The following CADPS variants were observed in gnomAD, a reference collection of about 807,000 sequenced individuals.
The protein encoded by CADPS is calcium dependent secretion activator, also known as calcium-dependent secretion activator 1.
A neutral mutation model predicts 167.3 loss-of-function variants in CADPS; 57 were observed. The observed-to-expected ratio is 0.34, with a 90% CI of 0.28 to 0.42. CADPS has a LOEUF of 0.42. Among genes scored for constraint, CADPS ranks in the 20% least tolerant of loss-of-function variants. CADPS has a pLI of 1.00. For synonymous variants in CADPS, 676 were observed against 635.3 expected (o/e 1.06, Z -0.96); for missense variants, 1,414 against 1,738.1 (o/e 0.81, Z 3.32).
Position 62,459,187 on chromosome 3 carries a change from T to G in CADPS, c.3636+6180A>C, listed in dbSNP as rs76420683. The stretch of plus-strand genomic sequence containing the variant: ...CGCGGTGTTTTTTGGTTGGCCCATA[T>G]GAACAAAATACATTAGAAAAAATAA... On this transcript the variant is annotated intron_variant, in intron 26 of 29. Coordinates refer to ENST00000383710, the MANE Select transcript of CADPS (RefSeq NM_003716.4). 2.3e-3 allele frequency among the ~76,000 whole-genome samples: 345 copies of G among 152,348 alleles called. 2 individuals carry two copies. The highest frequency in any genetic ancestry group is 7.5e-3 in the African/African-American group (312 of 41,584).
rs371622824 is a variant in CADPS at position 62,403,066 on chromosome 3, A to G, written c.3882+15T>C. On this transcript the variant is annotated intron_variant, in intron 29 of 29. Transcript: ENST00000383710. ...TAAGCTATTTGCAAAGAAGAATAAT[A>G]ATCTTTTCTTTTACCTTTACCATCC... The G allele has an allele frequency of 2.0e-5, 29 of 1,482,406 alleles. No individual in the cohort carries two copies. In the African/African-American group the frequency reaches 3.3e-4, roughly 17 times the overall value. 91.8% of individuals were successfully genotyped at this position (1,482,406 alleles called of 1,614,324 possible). A position where few individuals can be genotyped will look rare whatever the true frequency, so the allele number is the denominator to read the frequency against.
At chr3:62,858,970 A>G (rs1433303268) in intron 1 of CADPS, among the ~76,000 whole-genome samples, 1 of 152,208 alleles carries the variant, frequency 6.6e-6, no homozygotes, top group Non-Finnish European at 1.5e-5. Flanking sequence ...CCATAGCTCA[A>G]TGACAAAGAT....
rs61370757 is a variant in CADPS, at chr3:62,476,373, A to G, written c.3329+1888T>C. ...CCTCTGAATCTGTAGGTCCGGGGGT[A>G]TTTCCACCCATTTTTGCTCTTGTCT... On this transcript the variant is annotated intron_variant, in intron 23 of 29. Transcript: ENST00000383710. 8.0e-3 allele frequency among the ~76,000 whole-genome samples: 1,210 copies of G among 152,194 alleles called. 59 individuals carry two copies. In the East Asian group the frequency reaches 0.13, roughly 17 times the overall value.
Position 62,465,432 on chromosome 3 carries a change from C to A in CADPS, c.3571G>T (p.Gly1191Ter). 1 of 1,606,300 alleles carries A rather than the reference C, an allele frequency of 6.2e-7. No homozygotes were observed. The highest frequency in any genetic ancestry group is 8.5e-7 in the Non-Finnish European group (1 of 1,176,942). ...LVAKFVTILE[G>*]VLAKLSRYDE... is the part of the protein sequence containing the mutation. ...TATCTGGATAATTTTGCCAGCACTC[C>A]TTCCAAGATAGTAACGAACTAGAAA... is the stretch of plus-strand genomic sequence containing the variant. Residue 1191 changes from glycine to a stop codon, truncating the protein, a stop_gained, in exon 26 of 30, where the codon GGA becomes TGA. Coordinates refer to ENST00000383710, the MANE Select transcript of CADPS (RefSeq NM_003716.4). LOFTEE classifies it high-confidence loss of function. This position sits in a 1 kb window ranked among gnomAD's most constrained non-coding sequence, Gnocchi z 4.1.
At position 62,753,919 on chromosome 3, in the gene CADPS, C is replaced by A. The variant is rs1024144811; in HGVS notation, c.556-146G>T. The A allele has an allele frequency of 2.2e-5, 15 of 679,776 alleles. No individual in the cohort carries two copies. The South Asian group carries it at 2.9e-4, about 13-fold the overall frequency. The allele number at this position is 679,776 out of a possible 1,614,324, so 42.1% of individuals were successfully genotyped here. A position where few individuals can be genotyped will look rare whatever the true frequency, so the allele number is the denominator to read the frequency against. On this transcript the variant is annotated intron_variant, in intron 2 of 29. Transcript: ENST00000383710. The surrounding 1 kb of genome is among the most constrained non-coding windows in gnomAD (Gnocchi z 4.6). ...CTCACCCTGCCCCACCACCTCCTGG[C>A]TGTGCAAACTCAGAGTAGTCTCTTA...
chr3:62,790,586 A>G (rs2092846232), intron 1 of CADPS, among the ~76,000 whole-genome samples: 1 of 152,188 alleles, frequency 6.6e-6, no homozygotes, highest in Admixed American at 6.5e-5. Context: ...AGCAAATATC[A>G]TTTTGCACCT....
rs139657875 is a variant in CADPS at position 62,586,273 on chromosome 3, A to T, written c.1438-949T>A. ...GTGGCACATTGTTTTGGCTGTTTTC[A>T]AAGTATTTATTTTCTCTAGGTGCAA... On this transcript the variant is annotated intron_variant, in intron 7 of 29. Coordinates refer to ENST00000383710, the MANE Select transcript of CADPS (RefSeq NM_003716.4). 1.7e-3 allele frequency among the ~76,000 whole-genome samples: 260 copies of T among 152,280 alleles called. 1 individual carries two copies. Among genetic ancestry groups the T allele is most frequent in the African/African-American group, 6.0e-3 (250 of 41,554 alleles).
Position 62,753,024 on chromosome 3 carries a change from A to T in CADPS, c.888+417T>A, listed in dbSNP as rs186595703. 4.7e-3 allele frequency among the ~76,000 whole-genome samples: 722 copies of T among 152,332 alleles called. 2 individuals carry two copies. The highest frequency in any genetic ancestry group is 7.1e-3 in the Non-Finnish European group (483 of 68,034). On this transcript the variant is annotated intron_variant, in intron 3 of 29. Transcript: ENST00000383710. This position sits in a 1 kb window ranked among gnomAD's most constrained non-coding sequence, Gnocchi z 4.6. Reference sequence around the variant, plus strand: ...TGCAAGCTTTCCATTTTAAAAAATTATTCTTGACAGGCAGGTGCTAAGTTC... The same window carrying T: ...TGCAAGCTTTCCATTTTAAAAAATTTTTCTTGACAGGCAGGTGCTAAGTTC...
intron 5 of CADPS, among the ~76,000 whole-genome samples, chr3:62,647,073 G>A (rs879604016): frequency 6.6e-6 from 1 of 152,244 alleles, no homozygotes; most frequent in East Asian, 1.9e-4. Context: ...GGAGAAGAAT[G>A]CAGAAAGCAG....
intron 3 of CADPS, among the ~76,000 whole-genome samples, chr3:62,709,383 T>G (rs1161364397): frequency 6.6e-6 from 1 of 152,178 alleles, no homozygotes; most frequent in Admixed American, 6.5e-5. Context: ...CTCCCTGATT[T>G]TATTAACTGT....
At chr3:62,531,579 G>A (rs568711112) in intron 13 of CADPS, among the ~76,000 whole-genome samples, 22 of 152,264 alleles carry the variant, frequency 1.4e-4, no homozygotes, top group South Asian at 8.3e-4. Context: ...AGATGAAGAC[G>A]ACTGACACAG....
At chr3:62,441,016 G>A (rs780211773) in intron 27 of CADPS, 2 of 152,174 alleles carry the variant, frequency 1.3e-5, no homozygotes, top group Non-Finnish European at 2.9e-5. Flanking sequence ...AGAAGGTTGT[G>A]TAATGCATTT....
chr3:62,596,669 G>C (rs1257455763), intron 6 of CADPS, among the ~76,000 whole-genome samples: 2 of 152,144 alleles, frequency 1.3e-5, no homozygotes, highest in Admixed American at 6.5e-5. Context: ...TCACCCTGTA[G>C]TACTAGAGAA....
At position 62,662,295 on chromosome 3, in the gene CADPS, A is replaced by C. The variant is rs1474446442; in HGVS notation, c.969+19T>G. ...GACTTTGGCCTGGACCCCAGCAAAC[A>C]ACCACAATGTTTCCTTACCCTGGCT... On this transcript the variant is annotated intron_variant, in intron 4 of 29. Coordinates refer to ENST00000383710, the MANE Select transcript of CADPS (RefSeq NM_003716.4). 1 of 1,609,488 alleles carries C rather than the reference A, an allele frequency of 6.2e-7. No individual in the cohort carries two copies. Among genetic ancestry groups the C allele is most frequent in the African/African-American group, 1.3e-5 (1 of 74,768 alleles).
intron 14 of CADPS, among the ~76,000 whole-genome samples, chr3:62,517,355 C>G (rs1470345062): frequency 6.6e-6 from 1 of 152,146 alleles, no homozygotes; most frequent in Non-Finnish European, 1.5e-5. Context: ...ACTTCTTCCA[C>G]TTGCCAGCTG....
At chr3:62,701,964 T>C (rs1180044475) in intron 3 of CADPS, among the ~76,000 whole-genome samples, 1 of 152,276 alleles carries the variant, frequency 6.6e-6, no homozygotes. Flanking sequence ...TCTCCACAGG[T>C]AGCTACTCTA....
At chr3:62,861,476 A>G (rs768552147) in intron 1 of CADPS, among the ~76,000 whole-genome samples, 6 of 152,206 alleles carry the variant, frequency 3.9e-5, no homozygotes, top group Non-Finnish European at 8.8e-5. Flanking sequence ...AGATACTTCT[A>G]CATATAGGCA....
chr3:62,531,786 G>A (rs981153669), intron 13 of CADPS, among the ~76,000 whole-genome samples: 1 of 152,196 alleles, frequency 6.6e-6, no homozygotes, highest in Admixed American at 6.5e-5. Context: ...CATACATTGA[G>A]ATAGTAAACT....
At chr3:62,528,234 C>A (rs1253922104) in intron 13 of CADPS, among the ~76,000 whole-genome samples, 6 of 152,100 alleles carry the variant, frequency 3.9e-5, no homozygotes, top group African/African-American at 1.4e-4. Context: ...ATGCAAGCAC[C>A]AAAGTCAGAA....
Sources: allele counts gnomAD v4.1 joint callset (sites outside exome capture counted in the v4.1 genomes callset), GRCh38; gene constraint gnomAD v4.1.1; non-coding constraint Gnocchi (gnomAD v3.1); transcripts MANE v1.5; gene names NCBI Gene and HGNC (gene_info 2026-07-23, HGNC 2026-07-21).